Variants in CIRSR observed in about 807,000 individuals in gnomAD.
CIRSR encodes the protein CBF1 (RBPJ) interacting corepressor 1.
chr2:174,355,923 T>G, the CIRSR span, among the ~76,000 whole-genome samples: 1 of 151,898 alleles, frequency 6.6e-6, no homozygotes, highest in African/African-American at 2.4e-5. Flanking sequence ...ACACTTGTGT[T>G]TCACTGCAAA....
chr2:174,385,556 T>C, the CIRSR span, among the ~76,000 whole-genome samples: 1 of 151,910 alleles, frequency 6.6e-6, no homozygotes, highest in Non-Finnish European at 1.5e-5. Flanking sequence ...AGAAAACTGG[T>C]TGATTCCAAT....
the CIRSR span, among the ~76,000 whole-genome samples, chr2:174,354,565 TA>T: frequency 5.2e-5 from 1 of 19,118 alleles, no homozygotes; most frequent in African/African-American, 1.1e-4. Context: ...ATATATTTTA[TA>T]TATTATATTA....
At chr2:174,376,659 G>A in the CIRSR span, among the ~76,000 whole-genome samples, 72 of 151,914 alleles carry the variant, frequency 4.7e-4, no homozygotes, top group African/African-American at 1.5e-3. Flanking sequence ...TTAGCCAGGC[G>A]TGGTGGCAGG....
the CIRSR span, among the ~76,000 whole-genome samples, chr2:174,362,544 G>A: frequency 3.3e-5 from 5 of 150,770 alleles, no homozygotes; most frequent in Non-Finnish European, 5.9e-5. Flanking sequence ...TTAGCCAGGC[G>A]TGGTGATGGG....
At chr2:174,388,202 G>A in the CIRSR span, among the ~76,000 whole-genome samples, 1 of 152,010 alleles carries the variant, frequency 6.6e-6, no homozygotes, top group South Asian at 2.1e-4. Context: ...GTCTTGATAC[G>A]AGTTCTTTTT....
At chr2:174,389,420 C>G in the CIRSR span, among the ~76,000 whole-genome samples, 1 of 152,136 alleles carries the variant, frequency 6.6e-6, no homozygotes, top group Non-Finnish European at 1.5e-5. Flanking sequence ...GGCATTTTGC[C>G]TCTGCCCCAG....
chr2:174,370,146 C>A, the CIRSR span: 1 of 1,160,130 alleles, frequency 8.6e-7, no homozygotes, highest in Non-Finnish European at 1.2e-6. Flanking sequence ...GGTTGAGAAG[C>A]AGGCTGAAGG....
the CIRSR span, chr2:174,348,127 T>C: frequency 6.2e-4 from 106 of 170,910 alleles, 1 homozygote; most frequent in South Asian, 0.016. Context: ...CAAATTTGAA[T>C]TGAAAAAAGT....
chr2:174,374,876 C>T, the CIRSR span, among the ~76,000 whole-genome samples: 1 of 152,202 alleles, frequency 6.6e-6, no homozygotes, highest in Non-Finnish European at 1.5e-5. Context: ...CTTAGAGGAG[C>T]CCTTCCTGAT....
the CIRSR span, among the ~76,000 whole-genome samples, chr2:174,394,536 A>G: frequency 6.6e-6 from 1 of 152,168 alleles, no homozygotes; most frequent in Admixed American, 6.5e-5. Flanking sequence ...TTGTTTCCTC[A>G]TTTATAAAAT....
the CIRSR span, chr2:174,380,788 G>T: frequency 1.6e-5 from 25 of 1,599,940 alleles, no homozygotes; most frequent in African/African-American, 3.2e-4. Context: ...TTCAGACATA[G>T]AAAATAGTAC....
At chr2:174,379,290 A>G in the CIRSR span, among the ~76,000 whole-genome samples, 7 of 152,238 alleles carry the variant, frequency 4.6e-5, no homozygotes, top group Non-Finnish European at 8.8e-5. Flanking sequence ...TCATCCAAAA[A>G]GAAATGGTAA....
At chr2:174,370,591 T>C in the CIRSR span, among the ~76,000 whole-genome samples, 3 of 152,378 alleles carry the variant, frequency 2.0e-5, no homozygotes, top group African/African-American at 7.2e-5. Flanking sequence ...TGCACTCTGC[T>C]GTGTGTATGT....
At chr2:174,394,885 CAATT>C in the CIRSR span, among the ~76,000 whole-genome samples, 1 of 152,204 alleles carries the variant, frequency 6.6e-6, no homozygotes, top group Non-Finnish European at 1.5e-5. Flanking sequence ...TTAATCCTCA[CAATT>C]AAGTCAATCA....
chr2:174,363,349 A>G, the CIRSR span, among the ~76,000 whole-genome samples: 4 of 152,356 alleles, frequency 2.6e-5, no homozygotes, highest in East Asian at 1.9e-4. Flanking sequence ...AAAGCTAAAG[A>G]TAAGAGCAGA....
At chr2:174,372,667 C>G in the CIRSR span, among the ~76,000 whole-genome samples, 20 of 152,306 alleles carry the variant, frequency 1.3e-4, no homozygotes, top group African/African-American at 4.8e-4. Context: ...ACCGCAACCT[C>G]TGCCTCCCAG....
chr2:174,382,195 T>A, the CIRSR span, among the ~76,000 whole-genome samples: 43,944 of 152,066 alleles, frequency 0.29, 7,959 homozygotes, highest in East Asian at 0.7. Context: ...GTTTTGTTTT[T>A]TCCCACCAAA....
At chr2:174,373,949 A>C in the CIRSR span, among the ~76,000 whole-genome samples, 1 of 152,150 alleles carries the variant, frequency 6.6e-6, no homozygotes, top group Non-Finnish European at 1.5e-5. Flanking sequence ...CCAAACTTTC[A>C]GATCGTGAAC....
chr2:174,388,114 C>T, the CIRSR span, among the ~76,000 whole-genome samples: 8 of 152,330 alleles, frequency 5.3e-5, no homozygotes, highest in South Asian at 1.2e-3. Flanking sequence ...GCTGGATAAA[C>T]TTGGCTGAAA....
Sources: gnomAD v4.1 joint callset for allele counts (sites outside exome capture counted in the v4.1 genomes callset) on GRCh38, gnomAD v4.1.1 for gene constraint, MANE v1.5 for transcripts, NCBI Gene and HGNC (gene_info 2026-07-23, HGNC 2026-07-21) for gene names.